Variants in EPHA10 observed in about 807,000 individuals in gnomAD.
EPHA10 encodes EPH receptor A10, also known as ephrin type-A receptor 10.
In EPHA10, 120 loss-of-function variants were observed where a neutral mutation model predicts 109.7. The ratio of observed to expected loss-of-function variants is 1.09; its 90% confidence interval spans 0.94 to 1.27. The LOEUF is 1.27. Among genes scored for constraint, EPHA10 ranks in the 50% most tolerant of loss-of-function variants. EPHA10 has a pLI of 0.00. For synonymous variants in EPHA10, 640 were observed against 618.9 expected, an observed-to-expected ratio of 1.03 and a Z score of -0.51; for missense variants, 1,396 against 1,411.1, an observed-to-expected ratio of 0.99 and a Z score of 0.17.
At chr1:37,760,112 CCT>C (rs1433752820) in intron 3 of EPHA10, among the ~76,000 whole-genome samples, 2 of 152,120 alleles carry the variant, frequency 1.3e-5, no homozygotes, top group Admixed American at 1.3e-4. Flanking sequence ...CACTTCCTCC[CCT>C]GTCCTCCCAC....
At chr1:37,726,398 G>A (rs1043193009) in intron 8 of EPHA10, among the ~76,000 whole-genome samples, 3 of 152,174 alleles carry the variant, frequency 2.0e-5, no homozygotes, top group East Asian at 1.9e-4. Flanking sequence ...GCCCATTGTC[G>A]TTCCAGCTGC....
intron 5 of EPHA10, among the ~76,000 whole-genome samples, chr1:37,751,392 G>A (rs1309598974): frequency 9.9e-5 from 15 of 150,848 alleles, no homozygotes; most frequent in Non-Finnish European, 1.9e-4. Flanking sequence ...AATATGGTGA[G>A]ACCCCATCTC....
rs1395182452 is a variant in EPHA10 at position 37,762,637 on chromosome 1, A to G, written c.171+148T>C. Reference sequence around the variant, plus strand: ...CTGGCTGAAGACTCAATGTTTTCTAACAGGCCACTCTGGCTTGAAGCCAGG... The same window carrying G: ...CTGGCTGAAGACTCAATGTTTTCTAGCAGGCCACTCTGGCTTGAAGCCAGG... On this transcript the variant is annotated intron_variant, in intron 2 of 16. Transcript: ENST00000373048. 2.6e-5 allele frequency: 14 copies of G among 532,760 alleles called. No individual in the cohort carries two copies. In the East Asian group the frequency reaches 4.8e-4, roughly 18 times the overall value. The allele number at this position is 532,760 out of a possible 1,614,324, so 33.0% of individuals were successfully genotyped here.
At chr1:37,724,546 G>A (rs2148317359) in intron 8 of EPHA10, among the ~76,000 whole-genome samples, 1 of 150,948 alleles carries the variant, frequency 6.6e-6, no homozygotes, top group African/African-American at 2.4e-5. Context: ...ATCGCCAGAG[G>A]AACAGAAGGA....
intron 5 of EPHA10, among the ~76,000 whole-genome samples, chr1:37,740,202 A>T (rs1646132290): frequency 6.6e-6 from 1 of 151,974 alleles, no homozygotes. Flanking sequence ...TTTTTACAGT[A>T]AAAAAAATGT....
chr1:37,738,503 G>A (rs1475130190), intron 5 of EPHA10, among the ~76,000 whole-genome samples: 1 of 152,112 alleles, frequency 6.6e-6, no homozygotes, highest in Non-Finnish European at 1.5e-5. Flanking sequence ...AAAAATATGG[G>A]ACATAACAAG....
At chr1:37,728,999 C>G (rs1343736526) in intron 7 of EPHA10, among the ~76,000 whole-genome samples, 4 of 152,130 alleles carry the variant, frequency 2.6e-5, no homozygotes, top group Non-Finnish European at 5.9e-5. Context: ...TTCTAATGAA[C>G]AGAATATGGC....
intron 3 of EPHA10, among the ~76,000 whole-genome samples, chr1:37,755,436 A>G (rs655055): frequency 0.97 from 147,661 of 152,212 alleles, 71,660 homozygotes; most frequent in East Asian, 1. Flanking sequence ...GGTGGAGAGA[A>G]AAGGGCCAGT....
chr1:37,742,076 A>G (rs1646163647), intron 5 of EPHA10, among the ~76,000 whole-genome samples: 1 of 152,234 alleles, frequency 6.6e-6, no homozygotes, highest in African/African-American at 2.4e-5. Context: ...AGATGGTTCC[A>G]TCTCAGCTCC....
chr1:37,757,843 C>G (rs1036636733), intron 3 of EPHA10, among the ~76,000 whole-genome samples: 3 of 152,180 alleles, frequency 2.0e-5, no homozygotes, highest in Admixed American at 6.5e-5. Flanking sequence ...TCCCTCCCAC[C>G]TTATAGGGAG....
At chr1:37,731,637 G>A in intron 6 of EPHA10, 55 bp from the exon 7 acceptor site, 8 of 1,510,040 alleles carry the variant, frequency 5.3e-6, no homozygotes, top group Non-Finnish European at 7.1e-6. Flanking sequence ...TGTTCTAGGA[G>A]AACAAAGGGT....
At chr1:37,739,151 A>C (rs1203106839) in intron 5 of EPHA10, among the ~76,000 whole-genome samples, 1 of 151,750 alleles carries the variant, frequency 6.6e-6, no homozygotes, top group African/African-American at 2.4e-5. Flanking sequence ...AAAGTATAAT[A>C]ATAAAAAAGA....
chr1:37,718,964 G>T, intron 15 of EPHA10, 148 bp from the exon 16 acceptor site: 1 of 1,041,976 alleles, frequency 9.6e-7, no homozygotes, highest in Non-Finnish European at 1.4e-6. Flanking sequence ...TGAGCACTGT[G>T]CATTCGTGAA....
At chr1:37,743,297 T>C (rs1646183097) in intron 5 of EPHA10, among the ~76,000 whole-genome samples, 1 of 152,066 alleles carries the variant, frequency 6.6e-6, no homozygotes, top group South Asian at 2.1e-4. Flanking sequence ...TCTGGCACTT[T>C]AAGAAGAAAG....
At position 37,735,317 on chromosome 1, in the gene EPHA10, G is replaced by A; in HGVS notation, c.1431C>T (p.Pro477=). 2 of 1,560,824 alleles carry A rather than the reference G, an allele frequency of 1.3e-6. No individual in the cohort carries two copies. The highest frequency in any genetic ancestry group is 1.7e-6 in the Non-Finnish European group (2 of 1,152,230). Residue 477 remains proline (P), a synonymous_variant, in exon 6 of 17, where the codon CCC becomes CCT. Transcript: ENST00000373048. ...TGGCCCCAGGGGCTCCGGCAGGGAT[G>A]GGCTCCCGCCACGACAGGGACACGC... ...PQSVSLSWRE[P]IPAGAPGAND... is the part of the protein sequence containing the mutation.
intron 2 of EPHA10, 115 bp downstream of exon 2, chr1:37,762,670 G>C: frequency 1.2e-6 from 1 of 861,284 alleles, no homozygotes; most frequent in East Asian, 3.2e-5. Context: ...AGGGCTGCTG[G>C]AGACCACACA....
At chr1:37,741,857 C>T (rs1024702586) in intron 5 of EPHA10, among the ~76,000 whole-genome samples, 6 of 152,002 alleles carry the variant, frequency 3.9e-5, no homozygotes, top group Non-Finnish European at 8.8e-5. Context: ...CCCTATCCCC[C>T]GGGGGCGCTT....
At position 37,716,222 on chromosome 1, in the gene EPHA10, T is replaced by TTTTTTTACTGATAC; in HGVS notation, c.*2149_*2150insGTATCAGTAAAAAA. 1 of 316,164 alleles carries TTTTTTTACTGATAC rather than the reference T, an allele frequency of 3.2e-6. No homozygotes were observed. Among genetic ancestry groups the TTTTTTTACTGATAC allele is most frequent in the Non-Finnish European group, 5.9e-6 (1 of 168,344 alleles). The allele number at this position is 316,164 out of a possible 1,614,324, so 19.6% of individuals were successfully genotyped here. On this transcript the variant is annotated 3_prime_UTR_variant, in exon 17 of 17. Coordinates refer to ENST00000373048, the MANE Select transcript of EPHA10 (RefSeq NM_001099439.2). Reference sequence around the variant, plus strand: ...TGAGGCCTGGGACCCAACAGGATTCTGGGACCTCACTCCTCAGTGGAGGGG... The same window carrying TTTTTTTACTGATAC: ...TGAGGCCTGGGACCCAACAGGATTCTTTTTTTACTGATACGGGACCTCACTCCTCAGTGGAGGGG...
At chr1:37,751,672 G>A (rs961313921) in intron 5 of EPHA10, among the ~76,000 whole-genome samples, 3 of 150,470 alleles carry the variant, frequency 2.0e-5, no homozygotes, top group Non-Finnish European at 3.0e-5. Flanking sequence ...GAGAGTTGGA[G>A]ACCATCCTGG....
Sources: gnomAD v4.1 joint callset for allele counts (sites outside exome capture counted in the v4.1 genomes callset) on GRCh38, gnomAD v4.1.1 for gene constraint, MANE v1.5 for transcripts, NCBI Gene and HGNC (gene_info 2026-07-23, HGNC 2026-07-21) for gene names.